The following FBXO47 variants were observed in gnomAD, a reference collection of about 807,000 sequenced individuals.
FBXO47 encodes the protein F-box protein 47, also known as F-box only protein 47.
A neutral mutation model predicts 53.9 loss-of-function variants in FBXO47; 34 were observed. The ratio of observed to expected loss-of-function variants is 0.63; its 90% CI spans 0.48 to 0.84. FBXO47 has a LOEUF of 0.84. FBXO47 is among the 40% of genes least tolerant of loss of function. The pLI is 0.00. For missense variants in FBXO47, 485 were observed against 541.3 expected (o/e 0.90, Z 1.03); for synonymous variants, 165 against 181.6 (o/e 0.91, Z 0.73).
At position 38,937,186 on chromosome 17, in the gene FBXO47, G is replaced by A. The variant is rs1007992893; in HGVS notation, c.1348C>T (p.Leu450=). The A allele has an allele frequency of 4.0e-6, 6 of 1,505,242 alleles. No individual in the cohort carries two copies. The highest frequency in any genetic ancestry group is 2.8e-5 in the African/African-American group (2 of 72,262). The allele number at this position is 1,505,242 out of a possible 1,614,324, so 93.2% of individuals were successfully genotyped here. Residue 450 remains leucine (L), a synonymous_variant, in exon 11 of 11, where the codon CTG becomes TTG. Coordinates refer to ENST00000378079, the MANE Select transcript of FBXO47 (RefSeq NM_001008777.3). ...GGCTTTCTGAGGATTTAGGTAGACA[G>A]AGGAGTATTCATGGTCAAATACAGG... ...EVLYLTMNTP[L]ST
In FBXO47 at chr17:38,945,059, C is replaced by G. The variant is rs763522919; in HGVS notation, c.694G>C (p.Asp232His). ...ATTCGCGTCAACCAAAAAGCAGAAT[C>G]ACTTCGATGTGTCCAATGATCAAGG... ...VLLDHWTHRS[D>H]SAFWLTRILK... is the part of the protein sequence containing the mutation. Residue 232 changes from aspartate to histidine, a missense_variant, in exon 7 of 11, where the codon GAT becomes CAT. Coordinates refer to ENST00000378079, the MANE Select transcript of FBXO47 (RefSeq NM_001008777.3). 27 of 1,613,890 alleles carry G rather than the reference C, an allele frequency of 1.7e-5. No individual in the cohort carries two copies. The highest frequency in any genetic ancestry group is 1.9e-5 in the Non-Finnish European group (22 of 1,179,936).
intron 4 of FBXO47, among the ~76,000 whole-genome samples, chr17:38,956,217 G>A (rs1327946631): frequency 6.6e-6 from 1 of 152,104 alleles, no homozygotes; most frequent in Non-Finnish European, 1.5e-5. Flanking sequence ...GGTTTGGGGA[G>A]TAATGAATTG....
At chr17:38,961,693 A>G (rs1267493685) in intron 3 of FBXO47, among the ~76,000 whole-genome samples, 184 bp downstream of exon 3, 1 of 152,188 alleles carries the variant, frequency 6.6e-6, no homozygotes, top group Non-Finnish European at 1.5e-5. Context: ...ATCAAAATGC[A>G]TTTTCTCACC....
In FBXO47 at chr17:38,954,874, A is replaced by G; in HGVS notation, c.489T>C (p.Cys163=). The G allele has an allele frequency of 6.2e-7, 1 of 1,606,358 alleles. No individual in the cohort carries two copies. The highest frequency in any genetic ancestry group is 8.5e-7 in the Non-Finnish European group (1 of 1,176,696). Residue 163 remains cysteine, a synonymous_variant, in exon 5 of 11, where the codon TGT becomes TGC. Transcript: ENST00000378079. ...AATGTACCTGTAAAAACATGCCATA[A>G]CATGTTAATCCTAAACACTGCATAG... ...AAPMQCLGLT[C]YGMFLQTLTA...
chr17:38,946,191 TA>T (rs1491312449), intron 6 of FBXO47, among the ~76,000 whole-genome samples: 1 of 110,970 alleles, frequency 9.0e-6, no homozygotes, highest in Admixed American at 1.2e-4. Flanking sequence ...TATAAATATA[TA>T]AAAATATATA....
chr17:38,957,642 A>G (rs1377040604), intron 3 of FBXO47, among the ~76,000 whole-genome samples: 1 of 151,982 alleles, frequency 6.6e-6, no homozygotes, highest in African/African-American at 2.4e-5. Context: ...CCACAAAGGA[A>G]TATGTTTTAA....
intron 8 of FBXO47, among the ~76,000 whole-genome samples, chr17:38,943,294 C>T (rs1045700601): frequency 5.9e-5 from 9 of 152,052 alleles, no homozygotes; most frequent in Admixed American, 2.6e-4. Flanking sequence ...TTTTACAGAA[C>T]CTAGGAGGGT....
At chr17:38,954,682 C>T (rs568724763) in intron 5 of FBXO47, among the ~76,000 whole-genome samples, 174 bp downstream of exon 5, 1 of 152,106 alleles carries the variant, frequency 6.6e-6, no homozygotes, top group Admixed American at 6.5e-5. Context: ...AAACTCAAAA[C>T]AAAAATCTGA....
rs1302749264 is a variant in FBXO47, at chr17:38,946,437, T to C, written c.617-1301A>G. On this transcript the variant is annotated intron_variant, in intron 6 of 10. Transcript: ENST00000378079. ...ATATATATAACTATATAAATATATA[T>C]GAATATATATAACTATATAAATATA... is the stretch of plus-strand genomic sequence containing the variant. Among the ~76,000 whole-genome samples, 8 of 94,194 alleles carry C rather than the reference T, an allele frequency of 8.5e-5. 1 individual carries two copies. Among genetic ancestry groups the C allele is most frequent in the African/African-American group, 1.9e-4 (4 of 21,268 alleles). The allele number at this position is 94,194 out of a possible 152,430, so 61.8% of individuals were successfully genotyped here. A position where few individuals can be genotyped will look rare whatever the true frequency, so the allele number is the denominator to read the frequency against.
chr17:38,950,912 TTATTTC>T (rs992889479), intron 6 of FBXO47, among the ~76,000 whole-genome samples: 5 of 152,110 alleles, frequency 3.3e-5, no homozygotes, highest in African/African-American at 1.2e-4. Flanking sequence ...TATTTTATTT[TTATTTC>T]TTTTGAAAAG....
At chr17:38,966,849 C>T (rs1299827198) in intron 1 of FBXO47, among the ~76,000 whole-genome samples, 2 of 152,016 alleles carry the variant, frequency 1.3e-5, no homozygotes, top group African/African-American at 4.8e-5. Flanking sequence ...TTCCGCTCAC[C>T]CCTCTAGCGA....
Position 38,937,177 on chromosome 17 carries a change from AG to A in FBXO47, c.1356del (p.Ter453LysfsTer13). ...LYLTMNTPLS[T>X] Reference sequence around the variant, plus strand: ...TAAAGGCAAGGCTTTCTGAGGATTTAGGTAGACAGAGGAGTATTCATGGTCA... The same window carrying A: ...TAAAGGCAAGGCTTTCTGAGGATTTAGTAGACAGAGGAGTATTCATGGTCA... On this transcript the variant is annotated frameshift_variant, in exon 11 of 11. Transcript: ENST00000378079. LOFTEE classifies it high-confidence loss of function. 7.1e-7 allele frequency: 1 copy of A among 1,416,724 alleles called. No homozygotes were observed. 87.8% of individuals were successfully genotyped at this position (1,416,724 alleles called of 1,614,324 possible).
At chr17:38,942,538 G>A (rs1402778089) in intron 9 of FBXO47, among the ~76,000 whole-genome samples, 1 of 152,100 alleles carries the variant, frequency 6.6e-6, no homozygotes, top group Non-Finnish European at 1.5e-5. Flanking sequence ...AAGTTGCGGT[G>A]AGCCGAGATC....
chr17:38,947,704 T>C (rs968918401), intron 6 of FBXO47, among the ~76,000 whole-genome samples: 12 of 152,056 alleles, frequency 7.9e-5, no homozygotes, highest in African/African-American at 2.9e-4. Flanking sequence ...GGTCAGGAGA[T>C]TGAGACCATC....
intron 9 of FBXO47, among the ~76,000 whole-genome samples, chr17:38,941,734 C>T (rs1271620025): frequency 6.7e-6 from 1 of 149,560 alleles, no homozygotes; most frequent in Non-Finnish European, 1.5e-5. Flanking sequence ...AGTACAGTGG[C>T]ACAATTTTGG....
chr17:38,937,724 G>C (rs1359892402), intron 10 of FBXO47, among the ~76,000 whole-genome samples: 2 of 151,898 alleles, frequency 1.3e-5, no homozygotes, highest in Non-Finnish European at 2.9e-5. Context: ...CTGGAGTGCA[G>C]TGGCACAATC....
intron 3 of FBXO47, among the ~76,000 whole-genome samples, chr17:38,959,233 T>C (rs1373129903): frequency 6.6e-6 from 1 of 151,858 alleles, no homozygotes; most frequent in Admixed American, 6.6e-5. Flanking sequence ...TAGAGTCAGA[T>C]GTAATGTTCT....
At chr17:38,966,961 T>C (rs374479318) in intron 1 of FBXO47, among the ~76,000 whole-genome samples, 4 of 152,198 alleles carry the variant, frequency 2.6e-5, no homozygotes, top group Non-Finnish European at 5.9e-5. Flanking sequence ...GAGGGTTCAA[T>C]TGGATGAACC....
chr17:38,954,910 G>C lies in FBXO47; in HGVS notation c.453C>G (p.Gly151=), dbSNP rs760050684. ...CTAAACACTGCATAGGAGCTGCACA[G>C]CCATTGAATTTAAAGCAGGAAACCT... The part of the protein sequence containing the change: ...LTEVSCFKFN[G]CAAPMQCLGL... The change falls in exon 5 of 11, where the codon GGC becomes GGG. Residue 151 remains glycine (G), a synonymous_variant. Coordinates refer to ENST00000378079, the MANE Select transcript of FBXO47 (RefSeq NM_001008777.3). 7 of 1,610,938 alleles carry C rather than the reference G, an allele frequency of 4.3e-6. No homozygotes were observed. Among genetic ancestry groups the C allele is most frequent in the Non-Finnish European group, 5.9e-6 (7 of 1,178,728 alleles).
Sources: gnomAD v4.1 joint callset for allele counts (sites outside exome capture counted in the v4.1 genomes callset) on GRCh38, gnomAD v4.1.1 for gene constraint, MANE v1.5 for transcripts, NCBI Gene and HGNC (gene_info 2026-07-23, HGNC 2026-07-21) for gene names.